Variants in RABL3 observed in about 807,000 individuals in gnomAD.
RABL3 encodes rab-like protein 3.
A neutral mutation model predicts 31.8 loss-of-function variants in RABL3; 31 were observed. The ratio of observed to expected loss-of-function variants is 0.97; its 90% confidence interval spans 0.73 to 1.31. The LOEUF (loss-of-function observed/expected upper bound fraction) is 1.31. Ranked by LOEUF, RABL3 falls within the 40% of genes most tolerant of loss-of-function variation. The probability of loss-of-function intolerance (pLI) is 0.00; values close to 1 mark genes in which losing one functional copy is unlikely to be tolerated. For missense variants in RABL3, 263 were observed against 279.6 expected, an observed-to-expected ratio of 0.94 and a Z score of 0.42; for synonymous variants, 97 against 99.9, an observed-to-expected ratio of 0.97 and a Z score of 0.18.
At chr3:120,694,094 A>T (rs1708409378) in intron 6 of RABL3, 59 bp downstream of exon 6, 1 of 1,148,376 alleles carries the variant, frequency 8.7e-7, no homozygotes, top group Admixed American at 2.1e-5. Flanking sequence ...CTACAAAAAA[A>T]TTTTAAACTC....
At chr3:120,709,452 T>G (rs892227801) in intron 3 of RABL3, among the ~76,000 whole-genome samples, 5 of 152,060 alleles carry the variant, frequency 3.3e-5, no homozygotes, top group African/African-American at 1.2e-4. Flanking sequence ...CTACTGTACT[T>G]ACTCAACTCA....
At position 120,695,640 on chromosome 3, in the gene RABL3, T is replaced by C. The variant is rs908157758; in HGVS notation, c.535-1416A>G. 2.0e-5 allele frequency among the ~76,000 whole-genome samples: 3 copies of C among 152,302 alleles called. No individual in the cohort carries two copies. The South Asian group carries it at 6.2e-4, about 32-fold the overall frequency. On this transcript the variant is annotated intron_variant, in intron 5 of 7. Transcript: ENST00000273375. ...AATTCCATATATGGATTATGTAGAC[T>C]GAAACATCATTGCACTAACTATGGT...
chr3:120,730,161 T>C (rs897304771), intron 2 of RABL3, among the ~76,000 whole-genome samples: 3 of 152,156 alleles, frequency 2.0e-5, no homozygotes, highest in Non-Finnish European at 4.4e-5. Flanking sequence ...GTGTCTTAAC[T>C]CAAAGGAGAG....
chr3:120,723,895 G>A (rs1576343540), intron 2 of RABL3, among the ~76,000 whole-genome samples: 2 of 151,942 alleles, frequency 1.3e-5, no homozygotes, highest in South Asian at 2.1e-4. Context: ...GCACAAGACA[G>A]GGATGCCCTC....
At chr3:120,712,567 G>A (rs74757916) in intron 2 of RABL3, among the ~76,000 whole-genome samples, 1 of 152,026 alleles carries the variant, frequency 6.6e-6, no homozygotes, top group African/African-American at 2.4e-5. Flanking sequence ...AAATCAACCA[G>A]AGCAGGTTTG....
upstream of RABL3, chr3:120,742,536 C>A (rs763002630): frequency 1.1e-5 from 18 of 1,613,314 alleles, no homozygotes; most frequent in African/African-American, 1.3e-5. Context: ...GGGTTAACGC[C>A]TGTTCCTGGA....
At chr3:120,706,232 G>C (rs1708547110) in intron 3 of RABL3, 118 bp from the exon 4 acceptor site, 2 of 626,734 alleles carry the variant, frequency 3.2e-6, no homozygotes, top group Non-Finnish European at 2.8e-6. Context: ...TAGCATTCTA[G>C]TATGACTAAC....
At chr3:120,729,833 T>C (rs6796222) in intron 2 of RABL3, among the ~76,000 whole-genome samples, 30,518 of 151,530 alleles carry the variant, frequency 0.2, 3,561 homozygotes, top group East Asian at 0.36. Context: ...ATAGAAGAAA[T>C]GAGGCAAGAC....
intron 4 of RABL3, among the ~76,000 whole-genome samples, chr3:120,699,898 C>T (rs184130794): frequency 3.9e-5 from 6 of 152,230 alleles, no homozygotes; most frequent in East Asian, 1.9e-4. Flanking sequence ...AGCTACAATT[C>T]GCTTTGTTAG....
At chr3:120,736,097 C>T (rs1708958992) in intron 1 of RABL3, among the ~76,000 whole-genome samples, 1 of 152,144 alleles carries the variant, frequency 6.6e-6, no homozygotes, top group African/African-American at 2.4e-5. Context: ...CCTGGATATG[C>T]TTGTTAACTT....
intron 5 of RABL3, 129 bp from the exon 6 acceptor site, chr3:120,694,353 C>G (rs982639464): frequency 1.7e-6 from 1 of 577,480 alleles, no homozygotes; most frequent in Non-Finnish European, 3.2e-6. Context: ...ACAAAATATT[C>G]AAATAATTTT....
rs141778033 is a variant in RABL3 at position 120,726,152 on chromosome 3, T to C, written c.138+4544A>G. On this transcript the variant is annotated intron_variant, in intron 2 of 7. Transcript: ENST00000273375. ...TCTGGGTAAAAGTTTTTCTGTCTCA[T>C]AGAGAAGAGACTAGCAGTATTTCCT... Among the ~76,000 whole-genome samples the C allele has an allele frequency of 2.3e-3, 352 of 152,108 alleles. 1 individual carries two copies. Among genetic ancestry groups the C allele is most frequent in the Non-Finnish European group, 4.4e-3 (301 of 67,986 alleles).
intron 2 of RABL3, among the ~76,000 whole-genome samples, chr3:120,715,289 A>C (rs1052335093): frequency 6.6e-6 from 1 of 152,222 alleles, no homozygotes; most frequent in Non-Finnish European, 1.5e-5. Context: ...CTATAATCCC[A>C]GCACATTTGG....
intron 4 of RABL3, among the ~76,000 whole-genome samples, chr3:120,704,206 T>A (rs1708523930): frequency 6.6e-6 from 1 of 152,100 alleles, no homozygotes; most frequent in African/African-American, 2.4e-5. Flanking sequence ...TAATACACCA[T>A]GACCAAGGAA....
In RABL3 at chr3:120,687,522, G is replaced by C. The variant is rs1708325204; in HGVS notation, c.*2301C>G. 1 of 152,180 alleles carries C rather than the reference G, an allele frequency of 6.6e-6. No homozygotes were observed. The highest frequency in any genetic ancestry group is 2.4e-5 in the African/African-American group (1 of 41,452). The allele number at this position is 152,180 out of a possible 1,614,324, so 9.4% of individuals were successfully genotyped here. On this transcript the variant is annotated 3_prime_UTR_variant, in exon 8 of 8. Transcript: ENST00000273375. ...AAGCATTTTTATGAATAGTTCTCAA[G>C]AAGTCCTAGCAAAAATTGTGCTTCA... is the stretch of plus-strand genomic sequence containing the variant.
intron 4 of RABL3, 21 bp downstream of exon 4, chr3:120,705,979 C>G: frequency 7.3e-7 from 1 of 1,368,888 alleles, no homozygotes; most frequent in Non-Finnish European, 1.0e-6. Flanking sequence ...ATCTTTCAAA[C>G]CAATTGTGAA....
At chr3:120,720,707 G>C (rs1393651725) in intron 2 of RABL3, among the ~76,000 whole-genome samples, 1 of 152,224 alleles carries the variant, frequency 6.6e-6, no homozygotes, top group Non-Finnish European at 1.5e-5. Flanking sequence ...ATCTATGTCT[G>C]ACTGGTCTAC....
chr3:120,718,369 T>C (rs6775819), intron 2 of RABL3, among the ~76,000 whole-genome samples: 2,815 of 152,330 alleles, frequency 0.018, 102 homozygotes, highest in African/African-American at 0.063. Context: ...CTGCCTTCTT[T>C]AGATGCTCTG....
rs1003396488 is a variant in RABL3 at position 120,726,470 on chromosome 3, A to T, written c.138+4226T>A. Reference sequence around the variant, plus strand: ...GTGCAACCCCATCTGTATAAAACAAAAAAAGTCGGGCCAGGCACAGTGGCT... The same window carrying T: ...GTGCAACCCCATCTGTATAAAACAATAAAAGTCGGGCCAGGCACAGTGGCT... On this transcript the variant is annotated intron_variant, in intron 2 of 7. Transcript: ENST00000273375. Among the ~76,000 whole-genome samples the T allele has an allele frequency of 3.4e-4, 51 of 152,146 alleles. 2 individuals are homozygous for T. Among genetic ancestry groups the T allele is most frequent in the Admixed American group, 3.0e-3 (46 of 15,258 alleles).
Sources: allele counts gnomAD v4.1 joint callset (sites outside exome capture counted in the v4.1 genomes callset), GRCh38; gene constraint gnomAD v4.1.1; transcripts MANE v1.5; gene names NCBI Gene and HGNC (gene_info 2026-07-23, HGNC 2026-07-21).